LRRC37A2: variants seen among roughly 807,000 people sequenced by gnomAD.
LRRC37A2 encodes the protein leucine-rich repeat-containing protein 37A2.
A neutral mutation model predicts 68.8 loss-of-function variants in LRRC37A2; 9 were observed. That is an observed-to-expected ratio of 0.13 (90% CI 0.08 to 0.23). The LOEUF (loss-of-function observed/expected upper bound fraction) is 0.23. Among genes scored for constraint, LRRC37A2 ranks in the 10% least tolerant of loss-of-function variants. The pLI, the probability that LRRC37A2 is intolerant of heterozygous loss-of-function variation, is 1.00. For synonymous variants in LRRC37A2, 63 were observed against 367.6 expected (o/e 0.17, Z 9.48); for missense variants, 168 against 950.4 (o/e 0.18, Z 10.82).
chr17:46,941,150 A>G, the LRRC37A2 span: 47 of 1,012,188 alleles, frequency 4.6e-5, no homozygotes, highest in Non-Finnish European at 5.2e-5. Context: ...TCTTTATTAC[A>G]TGGACATTTA....
At chr17:46,929,581 CACAGTGAGTAATTAACTGTGG>C in the LRRC37A2 span, 1 of 1,471,790 alleles carries the variant, frequency 6.8e-7, no homozygotes, top group South Asian at 1.1e-5. Flanking sequence ...GCAGTCTGTG[CACAGTGAGTAATTAACTGTGG>C]AGACCAGAGT....
the LRRC37A2 span, chr17:46,876,796 G>T: frequency 6.8e-7 from 1 of 1,459,906 alleles, no homozygotes; most frequent in Non-Finnish European, 9.1e-7. Context: ...CGGCCCTCTG[G>T]GCAGACTGTC....
chr17:47,037,702 T>G, the LRRC37A2 span, among the ~76,000 whole-genome samples: 1 of 152,238 alleles, frequency 6.6e-6, no homozygotes, highest in African/African-American at 2.4e-5. Context: ...TGGTGTTAAT[T>G]CTTCTGTAAG....
the LRRC37A2 span, chr17:46,762,636 TAATA>T: frequency 2.0e-5 from 3 of 151,296 alleles, no homozygotes. Context: ...ATACATTGTA[TAATA>T]AATAATATTT....
chr17:46,534,652 C>G (rs946253187), intron 6 of LRRC37A2, among the ~76,000 whole-genome samples: 4 of 148,938 alleles, frequency 2.7e-5, no homozygotes, highest in African/African-American at 5.1e-5. Context: ...ACATTTCCCC[C>G]TTTTCTATTC....
At chr17:46,961,940 A>T in the LRRC37A2 span, among the ~76,000 whole-genome samples, 1 of 152,224 alleles carries the variant, frequency 6.6e-6, no homozygotes, top group African/African-American at 2.4e-5. Flanking sequence ...AAATCATTTT[A>T]TTTAATCAAC....
chr17:46,936,536 G>A, the LRRC37A2 span: 60 of 985,562 alleles, frequency 6.1e-5, no homozygotes, highest in Admixed American at 9.2e-4. Context: ...CCCTGCCTCC[G>A]TCGGGATTTT....
chr17:46,788,773 T>C, the LRRC37A2 span, among the ~76,000 whole-genome samples: 81 of 151,600 alleles, frequency 5.3e-4, no homozygotes, highest in Non-Finnish European at 1.1e-3. Context: ...CCCTGCCTCC[T>C]TTCCCTGCCC....
the LRRC37A2 span, chr17:46,931,082 T>C: frequency 1.6e-4 from 209 of 1,309,456 alleles, 3 homozygotes; most frequent in South Asian, 2.3e-3. Flanking sequence ...AATTATTCTT[T>C]TTTCTTTTTT....
the LRRC37A2 span, chr17:46,773,557 A>G: frequency 2.3e-6 from 3 of 1,281,242 alleles, no homozygotes; most frequent in Non-Finnish European, 3.2e-6. Flanking sequence ...TCACCCTCCC[A>G]GAGGGACCCT....
the LRRC37A2 span, among the ~76,000 whole-genome samples, chr17:46,785,785 C>T: frequency 6.6e-6 from 1 of 151,812 alleles, no homozygotes; most frequent in Non-Finnish European, 1.5e-5. Context: ...AGGGAAGAGG[C>T]TGCGGGCCCT....
chr17:46,768,493 T>G, the LRRC37A2 span: 1 of 1,614,184 alleles, frequency 6.2e-7, no homozygotes. This position sits in a 1 kb window ranked among gnomAD's most constrained non-coding sequence, Gnocchi z 5.0. Flanking sequence ...ACATTGCAAG[T>G]CCGGTCCCTT....
chr17:46,798,206 G>A, the LRRC37A2 span, among the ~76,000 whole-genome samples: 1 of 152,212 alleles, frequency 6.6e-6, no homozygotes, highest in Non-Finnish European at 1.5e-5. Flanking sequence ...TGGGATCACA[G>A]GCATGAGCCA....
At chr17:46,675,596 A>T in the LRRC37A2 span, among the ~76,000 whole-genome samples, 2 of 131,480 alleles carry the variant, frequency 1.5e-5, no homozygotes, top group Non-Finnish European at 3.1e-5. Flanking sequence ...ATGTGGGTGT[A>T]TATGCATACA....
the LRRC37A2 span, chr17:46,768,854 C>T: frequency 6.3e-7 from 1 of 1,587,612 alleles, no homozygotes; most frequent in Non-Finnish European, 8.5e-7. The surrounding 1 kb of genome is among the most constrained non-coding windows in gnomAD (Gnocchi z 5.0). Context: ...GGGGGCACAT[C>T]CAGGCCTTCC....
At chr17:46,864,933 G>T in the LRRC37A2 span, among the ~76,000 whole-genome samples, 2 of 152,142 alleles carry the variant, frequency 1.3e-5, no homozygotes, top group East Asian at 1.9e-4. Context: ...GACCTTAAAG[G>T]GTTTCTCCAG....
chr17:46,869,161 G>A, the LRRC37A2 span, among the ~76,000 whole-genome samples: 4 of 152,128 alleles, frequency 2.6e-5, no homozygotes, highest in African/African-American at 7.2e-5. Flanking sequence ...GCCTCTGTGC[G>A]GTTGGCTACC....
At chr17:46,569,299 T>C in the LRRC37A2 span, among the ~76,000 whole-genome samples, 11 of 149,754 alleles carry the variant, frequency 7.3e-5, no homozygotes, top group Non-Finnish European at 1.3e-4. Context: ...AGGTGCTAGA[T>C]ATTAAAGAAT....
the LRRC37A2 span, chr17:46,833,342 T>C: frequency 1.9e-6 from 1 of 517,922 alleles, no homozygotes; most frequent in Non-Finnish European, 3.9e-6. Context: ...CTTGTATCAA[T>C]TGCATGAAAG....
Sources: allele counts gnomAD v4.1 joint callset (sites outside exome capture counted in the v4.1 genomes callset), GRCh38; gene constraint gnomAD v4.1.1; non-coding constraint Gnocchi (gnomAD v3.1); transcripts MANE v1.5; gene names NCBI Gene and HGNC (gene_info 2026-07-23, HGNC 2026-07-21).